The following THSD7B variants were observed in gnomAD, a reference collection of about 807,000 sequenced individuals.
The protein encoded by THSD7B is thrombospondin type 1 domain containing 7B.
In THSD7B, 138 loss-of-function variants were observed where a neutral mutation model predicts 213.6. That is an observed-to-expected ratio of 0.65 (90% CI 0.56 to 0.74). THSD7B has a LOEUF of 0.74. THSD7B is among the 30% of genes least tolerant of loss of function. The pLI is 0.00. For synonymous variants in THSD7B, 742 were observed against 687.0 expected (o/e 1.08, Z -1.25); for missense variants, 1,931 against 1,991.5 (o/e 0.97, Z 0.58).
intron 7 of THSD7B, among the ~76,000 whole-genome samples, chr2:137,181,319 C>T (rs1269282853): frequency 6.6e-6 from 1 of 152,152 alleles, no homozygotes; most frequent in East Asian, 1.9e-4. Context: ...GCTAATAACA[C>T]CATATTGAGA....
chr2:137,546,394 A>T (rs1158192540), intron 15 of THSD7B, among the ~76,000 whole-genome samples: 3 of 37,292 alleles, frequency 8.0e-5, no homozygotes, highest in African/African-American at 1.4e-4. Flanking sequence ...TATTATATAT[A>T]TTATATATAT....
At chr2:137,046,599 G>A (rs1032363173) in intron 2 of THSD7B, among the ~76,000 whole-genome samples, 57 of 151,874 alleles carry the variant, frequency 3.8e-4, no homozygotes, top group Non-Finnish European at 2.1e-4. Flanking sequence ...GCATGGTGGC[G>A]GGCACTTGTA....
At chr2:136,949,422 T>G (rs1684996783) in intron 2 of THSD7B, among the ~76,000 whole-genome samples, 1 of 152,232 alleles carries the variant, frequency 6.6e-6, no homozygotes, top group South Asian at 2.1e-4. Flanking sequence ...TGAAATGCAT[T>G]TGAAGCCAGC....
chr2:136,978,246 C>T (rs993144583), intron 2 of THSD7B, among the ~76,000 whole-genome samples: 5 of 151,916 alleles, frequency 3.3e-5, no homozygotes, highest in South Asian at 2.1e-4. Flanking sequence ...AATGTTGTAC[C>T]GAGAAGAATG....
At position 136,783,236 on chromosome 2, in the gene THSD7B, C is replaced by T. The variant is rs151089011; in HGVS notation, c.-36+17549C>T. 2.4e-4 allele frequency among the ~76,000 whole-genome samples: 36 copies of T among 152,224 alleles called. No individual in the cohort carries two copies. In the East Asian group the frequency reaches 6.2e-3, roughly 26 times the overall value. On this transcript the variant is annotated intron_variant, in intron 1 of 27. Transcript: ENST00000409968. ...CAGGACCCTTATACCTGCCGTATAC[C>T]TTGTGAGCAAAAGGGTTAAAGGCTG...
At chr2:137,242,380 T>G in intron 9 of THSD7B, 77 bp from the exon 10 acceptor site, 1 of 1,152,480 alleles carries the variant, frequency 8.7e-7, no homozygotes, top group Non-Finnish European at 1.3e-6. Flanking sequence ...ATATTTTCGG[T>G]TCTAAAATCC....
chr2:136,976,814 G>A (rs1685489256), intron 2 of THSD7B, among the ~76,000 whole-genome samples: 1 of 151,972 alleles, frequency 6.6e-6, no homozygotes, highest in African/African-American at 2.4e-5. Context: ...GTAGAGACGG[G>A]GTTTCACTGT....
At chr2:137,508,184 TC>T (rs1290246283) in intron 15 of THSD7B, among the ~76,000 whole-genome samples, 1 of 152,092 alleles carries the variant, frequency 6.6e-6, no homozygotes, top group Non-Finnish European at 1.5e-5. Flanking sequence ...CTGAGGGAAA[TC>T]CCTGTCCACT....
At chr2:136,810,193 T>C (rs991709939) in intron 1 of THSD7B, among the ~76,000 whole-genome samples, 5 of 152,176 alleles carry the variant, frequency 3.3e-5, no homozygotes, top group Non-Finnish European at 7.4e-5. Flanking sequence ...TCATGGCCCA[T>C]GAAAGCTTTT....
At chr2:137,441,820 C>A (rs1687418220) in intron 14 of THSD7B, among the ~76,000 whole-genome samples, 1 of 152,006 alleles carries the variant, frequency 6.6e-6, no homozygotes, top group African/African-American at 2.4e-5. Flanking sequence ...AAAAGGCACC[C>A]AAATTTGAAA....
intron 12 of THSD7B, among the ~76,000 whole-genome samples, chr2:137,304,790 CA>C (rs1683705547): frequency 1.3e-5 from 2 of 151,998 alleles, no homozygotes; most frequent in South Asian, 4.2e-4. Context: ...ATTTGTTTAA[CA>C]AAACATGATA....
At chr2:137,383,300 G>T (rs1194091019) in intron 12 of THSD7B, among the ~76,000 whole-genome samples, 6 of 151,996 alleles carry the variant, frequency 3.9e-5, no homozygotes. Flanking sequence ...CCATGGGGTG[G>T]TTGCACGCCA....
At chr2:137,091,223 T>C (rs1049111776) in intron 3 of THSD7B, among the ~76,000 whole-genome samples, 1 of 152,216 alleles carries the variant, frequency 6.6e-6, no homozygotes, top group Non-Finnish European at 1.5e-5. Flanking sequence ...TCTGTTCTGC[T>C]GGTCCAGGAG....
In THSD7B at chr2:137,578,015, T is replaced by C. The variant is rs999306328; in HGVS notation, c.3423+5459T>C. Reference sequence around the variant, plus strand: ...ATTTATGCTCCATAGTAAACAATGTTATAAAGGGCAAAATATATAAACCAA... The same window carrying C: ...ATTTATGCTCCATAGTAAACAATGTCATAAAGGGCAAAATATATAAACCAA... On this transcript the variant is annotated intron_variant, in intron 17 of 27. Coordinates refer to ENST00000409968, the MANE Select transcript of THSD7B (RefSeq NM_001316349.2). 1.6e-4 allele frequency among the ~76,000 whole-genome samples: 24 copies of C among 152,178 alleles called. 1 individual carries two copies. The highest frequency in any genetic ancestry group is 1.1e-3 in the Admixed American group (17 of 15,274).
chr2:137,259,938 T>C (rs1034165875), intron 10 of THSD7B, among the ~76,000 whole-genome samples: 3 of 152,046 alleles, frequency 2.0e-5, no homozygotes, highest in African/African-American at 4.8e-5. Flanking sequence ...TGTGTGCGTG[T>C]GTGTGTGTGT....
At chr2:137,471,541 A>G (rs1171659263) in intron 15 of THSD7B, among the ~76,000 whole-genome samples, 34 of 151,628 alleles carry the variant, frequency 2.2e-4, no homozygotes, top group Admixed American at 2.2e-3. Flanking sequence ...AGAAACCCCA[A>G]TCTACTTGTA....
intron 2 of THSD7B, among the ~76,000 whole-genome samples, chr2:136,975,057 T>G (rs1261313035): frequency 6.6e-6 from 1 of 151,336 alleles, no homozygotes; most frequent in Non-Finnish European, 1.5e-5. Flanking sequence ...TTTTTTTTTT[T>G]TGTAAATTCT....
intron 3 of THSD7B, among the ~76,000 whole-genome samples, chr2:137,074,566 G>T (rs975562999): frequency 2.0e-5 from 3 of 152,106 alleles, no homozygotes; most frequent in African/African-American, 7.2e-5. Flanking sequence ...CTTTTAATTG[G>T]AGCGTTTAGC....
chr2:137,036,285 C>T (rs919995192), intron 2 of THSD7B, among the ~76,000 whole-genome samples: 1 of 152,088 alleles, frequency 6.6e-6, no homozygotes, highest in African/African-American at 2.4e-5. Flanking sequence ...ATACAAATGT[C>T]CACAGAGCTT....
Sources: allele counts gnomAD v4.1 joint callset (sites outside exome capture counted in the v4.1 genomes callset), GRCh38; gene constraint gnomAD v4.1.1; transcripts MANE v1.5; gene names NCBI Gene and HGNC (gene_info 2026-07-23, HGNC 2026-07-21).